GRIP1: variants seen among roughly 807,000 people sequenced by gnomAD.
GRIP1 encodes glutamate receptor interacting protein 1.
A neutral mutation model predicts 129.9 loss-of-function variants in GRIP1; 45 were observed. That is an observed-to-expected ratio of 0.35 (90% CI 0.27 to 0.44). The LOEUF is 0.44. Among genes scored for constraint, GRIP1 ranks in the 20% least tolerant of loss-of-function variants. The pLI, the probability that GRIP1 is intolerant of heterozygous loss-of-function variation, is 1.00. For synonymous variants in GRIP1, 530 were observed against 520.8 expected (o/e 1.02, Z -0.24); for missense variants, 1,196 against 1,396.8 (o/e 0.86, Z 2.29).
rs1476358526 is a variant in GRIP1 at position 66,715,469 on chromosome 12, TGTGAGA to T, written c.-419-85139_-419-85134del. Among the ~76,000 whole-genome samples the T allele has an allele frequency of 1.0e-4, 12 of 117,440 alleles. 1 individual carries two copies. In the South Asian group the frequency reaches 2.9e-3, roughly 29 times the overall value. 77.0% of individuals were successfully genotyped at this position (117,440 alleles called of 152,430 possible). A position where few individuals can be genotyped will look rare whatever the true frequency, so the allele number is the denominator to read the frequency against. The stretch of plus-strand genomic sequence containing the variant: ...GTAGCTTGATGTGTGTGTGTGTGTG[TGTGAGA>T]GAGAGAGAGAGAGAGAGAGAGAGAG... On this transcript the variant is annotated intron_variant, in intron 1 of 4. Coordinates refer to the GRIP1 transcript ENST00000538373.
chr12:66,785,337 TAC>T (rs1488442609), intron 1 of GRIP1, among the ~76,000 whole-genome samples: 2,265 of 87,354 alleles, frequency 0.026, 39 homozygotes, highest in Non-Finnish European at 0.041. Context: ...CATACATACA[TAC>T]ATACATATAT....
At chr12:67,021,353 A>T (rs1377569866) in intron 1 of GRIP1, among the ~76,000 whole-genome samples, 1 of 152,184 alleles carries the variant, frequency 6.6e-6, no homozygotes, top group African/African-American at 2.4e-5. Flanking sequence ...AATTTTAGGC[A>T]AATGAGATCA....
chr12:66,461,645 A>C (rs2059139730), intron 9 of GRIP1, among the ~76,000 whole-genome samples: 1 of 152,218 alleles, frequency 6.6e-6, no homozygotes, highest in South Asian at 2.1e-4. Context: ...AGAGATTTTC[A>C]TTAGCTTCAG....
At chr12:66,659,370 C>A (rs908748136) in intron 1 of GRIP1, among the ~76,000 whole-genome samples, 7 of 152,210 alleles carry the variant, frequency 4.6e-5, no homozygotes, top group African/African-American at 1.7e-4. Flanking sequence ...TAAACCCTCA[C>A]CACCCAGAGT....
At chr12:66,372,156 T>C in intron 22 of GRIP1, 1 of 592,714 alleles carries the variant, frequency 1.7e-6, no homozygotes, top group Non-Finnish European at 3.0e-6. Context: ...CTTAAGCCAT[T>C]GAGTTTATTT....
chr12:66,524,206 C>A (rs1473020894), intron 5 of GRIP1, among the ~76,000 whole-genome samples: 1 of 152,154 alleles, frequency 6.6e-6, no homozygotes, highest in African/African-American at 2.4e-5. Flanking sequence ...ACTCTCCACC[C>A]CAAATCAACA....
chr12:66,376,608 T>A (rs1478196938), intron 22 of GRIP1, among the ~76,000 whole-genome samples: 2 of 152,216 alleles, frequency 1.3e-5, no homozygotes, highest in Non-Finnish European at 2.9e-5. Flanking sequence ...TGTGTAATAT[T>A]TTTGCTGCTT....
At chr12:66,449,255 C>T (rs2058710490) in intron 11 of GRIP1, among the ~76,000 whole-genome samples, 1 of 152,148 alleles carries the variant, frequency 6.6e-6, no homozygotes, top group Non-Finnish European at 1.5e-5. Context: ...GAAGATTCAA[C>T]AAATGCTGAA....
intron 24 of GRIP1, among the ~76,000 whole-genome samples, chr12:66,349,962 C>T (rs2054147438): frequency 6.6e-6 from 1 of 152,014 alleles, no homozygotes; most frequent in Non-Finnish European, 1.5e-5. Context: ...CCATTCTCTC[C>T]TCAGTTTTTT....
intron 24 of GRIP1, among the ~76,000 whole-genome samples, chr12:66,350,974 G>C (rs1038317997): frequency 2.0e-5 from 3 of 152,216 alleles, no homozygotes; most frequent in Non-Finnish European, 4.4e-5. Context: ...ACTGCGATGA[G>C]AGTAGAGCTA....
At chr12:66,956,386 G>A (rs1456924123) in intron 1 of GRIP1, among the ~76,000 whole-genome samples, 1 of 152,130 alleles carries the variant, frequency 6.6e-6, no homozygotes, top group African/African-American at 2.4e-5. Context: ...CAATATACCA[G>A]GAGTAGATGA....
chr12:66,524,227 T>G (rs1319511187), intron 5 of GRIP1, among the ~76,000 whole-genome samples: 1 of 152,140 alleles, frequency 6.6e-6, no homozygotes, highest in Non-Finnish European at 1.5e-5. Flanking sequence ...GAATATACAT[T>G]TTTTTCAGCA....
chr12:66,710,241 G>T (rs1358440074), intron 1 of GRIP1, among the ~76,000 whole-genome samples: 1 of 151,970 alleles, frequency 6.6e-6, no homozygotes, highest in East Asian at 1.9e-4. Flanking sequence ...TGAAAGAAGA[G>T]AAATGGCTCA....
intron 1 of GRIP1, among the ~76,000 whole-genome samples, chr12:66,916,726 A>C (rs1414137015): frequency 6.6e-6 from 1 of 152,154 alleles, no homozygotes; most frequent in Non-Finnish European, 1.5e-5. Context: ...AGGCACAATA[A>C]GAAAAAAACA....
chr12:66,742,137 AGTTTCTCTGAG>A (rs930598352), intron 1 of GRIP1, among the ~76,000 whole-genome samples: 1 of 152,106 alleles, frequency 6.6e-6, no homozygotes, highest in Non-Finnish European at 1.5e-5. Flanking sequence ...GAGGGCTGCC[AGTTTCTCTGAG>A]GTTTAGTACT....
intron 1 of GRIP1, among the ~76,000 whole-genome samples, chr12:66,922,794 T>C (rs2041234512): frequency 6.6e-6 from 1 of 152,192 alleles, no homozygotes. Flanking sequence ...CCAGCAATTA[T>C]CTTGTGAATA....
At chr12:66,672,995 T>C (rs545530792) in intron 1 of GRIP1, among the ~76,000 whole-genome samples, 1 of 152,302 alleles carries the variant, frequency 6.6e-6, no homozygotes, top group East Asian at 1.9e-4. Context: ...TCTAAGTCTA[T>C]TCTATTTCCC....
At chr12:66,988,369 G>T (rs1038634427) in intron 1 of GRIP1, among the ~76,000 whole-genome samples, 1 of 151,942 alleles carries the variant, frequency 6.6e-6, no homozygotes, top group African/African-American at 2.4e-5. Flanking sequence ...TGATATTCTA[G>T]AAATTCTTTT....
chr12:66,581,807 G>C (rs138561300), intron 2 of GRIP1, among the ~76,000 whole-genome samples: 2,176 of 152,232 alleles, frequency 0.014, 59 homozygotes, highest in African/African-American at 0.05. Context: ...TGGATTCACA[G>C]CCGAATTCTA....
Sources: allele counts gnomAD v4.1 joint callset (sites outside exome capture counted in the v4.1 genomes callset), GRCh38; gene constraint gnomAD v4.1.1; transcripts MANE v1.5; gene names NCBI Gene and HGNC (gene_info 2026-07-23, HGNC 2026-07-21).